Variants in NME7 observed in about 807,000 individuals in gnomAD.
NME7 encodes the protein NME/NM23 family member 7.
Under a neutral mutation model 49.1 loss-of-function variants are expected in NME7, and 41 were observed. That is an observed-to-expected ratio of 0.83 (90% CI 0.65 to 1.08). NME7 has a LOEUF of 1.08. Ranked by LOEUF, NME7 falls within the 50% of genes least tolerant of loss-of-function variation. NME7 has a pLI of 0.00. For missense variants in NME7, 423 were observed against 463.4 expected (o/e 0.91, Z 0.80); for synonymous variants, 139 against 150.6 (o/e 0.92, Z 0.56).
chr1:169,304,264 T>C (rs931573048), intron 4 of NME7, among the ~76,000 whole-genome samples: 1 of 152,200 alleles, frequency 6.6e-6, no homozygotes, highest in African/African-American at 2.4e-5. Flanking sequence ...CTCCTAACAC[T>C]GTGTAGTTTT....
At chr1:169,287,478 G>A (rs1483850762) in intron 6 of NME7, 70 bp from the exon 7 acceptor site, 2 of 1,085,234 alleles carry the variant, frequency 1.8e-6, no homozygotes, top group Non-Finnish European at 2.6e-6. Flanking sequence ...ATTTCTGTGG[G>A]GGAGGAGAAT....
chr1:169,354,498 T>C (rs1653307416), intron 1 of NME7, among the ~76,000 whole-genome samples: 1 of 151,774 alleles, frequency 6.6e-6, no homozygotes, highest in Non-Finnish European at 1.5e-5. Context: ...AATTTAATTA[T>C]ACATTTTAAA....
intron 1 of NME7, among the ~76,000 whole-genome samples, chr1:169,365,669 A>C (rs1189282449): frequency 2.0e-5 from 3 of 152,218 alleles, no homozygotes; most frequent in Non-Finnish European, 4.4e-5. Context: ...GAAATAGGGA[A>C]TCTAGAGTTT....
intron 11 of NME7, among the ~76,000 whole-genome samples, chr1:169,154,961 T>G (rs1261404782): frequency 1.3e-5 from 2 of 151,934 alleles, no homozygotes; most frequent in Non-Finnish European, 2.9e-5. Context: ...TTTTTAAAAT[T>G]TGTATAATTT....
intron 11 of NME7, among the ~76,000 whole-genome samples, chr1:169,145,844 G>A (rs1658731081): frequency 6.6e-6 from 1 of 152,198 alleles, no homozygotes; most frequent in Admixed American, 6.5e-5. Context: ...AGTGCACAGT[G>A]CATACCACAA....
intron 9 of NME7, among the ~76,000 whole-genome samples, chr1:169,232,273 GGAGA>G (rs1647653888): frequency 6.6e-6 from 1 of 151,954 alleles, no homozygotes; most frequent in Non-Finnish European, 1.5e-5. Context: ...AAATAAGCAT[GGAGA>G]GAAAGAAAAA....
At chr1:169,217,883 A>G (rs1040888587) in intron 10 of NME7, among the ~76,000 whole-genome samples, 1 of 152,136 alleles carries the variant, frequency 6.6e-6, no homozygotes, top group African/African-American at 2.4e-5. Context: ...GCTTTTCAAT[A>G]TGATGCCACT....
At chr1:169,135,837 T>G (rs1159924476) in intron 11 of NME7, among the ~76,000 whole-genome samples, 2 of 152,098 alleles carry the variant, frequency 1.3e-5, no homozygotes, top group Non-Finnish European at 2.9e-5. Context: ...AGTATCTTAC[T>G]AAGGTGTTGA....
intron 10 of NME7, among the ~76,000 whole-genome samples, chr1:169,207,538 C>T (rs1396297014): frequency 6.6e-6 from 1 of 151,996 alleles, no homozygotes; most frequent in East Asian, 1.9e-4. Context: ...TTCACTATCA[C>T]AGAAGCAGAA....
intron 10 of NME7, among the ~76,000 whole-genome samples, chr1:169,212,174 CT>C (rs1326500468): frequency 6.6e-6 from 1 of 151,978 alleles, no homozygotes. Flanking sequence ...AAATTCTTTT[CT>C]TTAGCCAGAA....
intron 10 of NME7, among the ~76,000 whole-genome samples, chr1:169,217,233 C>T (rs1660995857): frequency 6.6e-6 from 1 of 152,160 alleles, no homozygotes; most frequent in Non-Finnish European, 1.5e-5. Flanking sequence ...GAGAAGACTT[C>T]TATATTCCTA....
At chr1:169,231,438 C>T (rs929598741) in intron 9 of NME7, among the ~76,000 whole-genome samples, 2 of 152,110 alleles carry the variant, frequency 1.3e-5, no homozygotes, top group Admixed American at 6.5e-5. Context: ...CCAACGTTCT[C>T]TGAGTTGAAA....
At chr1:169,245,352 G>T (rs181074799) in intron 7 of NME7, among the ~76,000 whole-genome samples, 16 of 152,218 alleles carry the variant, frequency 1.1e-4, no homozygotes, top group Admixed American at 2.6e-4. Flanking sequence ...GGACACTTTG[G>T]TGAGCAAAAC....
At chr1:169,152,383 C>T (rs1658937858) in intron 11 of NME7, among the ~76,000 whole-genome samples, 1 of 152,160 alleles carries the variant, frequency 6.6e-6, no homozygotes, top group Non-Finnish European at 1.5e-5. Flanking sequence ...AGAGTTTAAC[C>T]TGCTTGCTTG....
chr1:169,353,145 TACTACAGAGCTATAGTAACC>T, intron 1 of NME7, among the ~76,000 whole-genome samples: 1 of 152,202 alleles, frequency 6.6e-6, no homozygotes, highest in South Asian at 2.1e-4. Context: ...CTTCAAATTA[TACTACAGAGCTATAGTAACC>T]AAAACAGCGT....
At chr1:169,304,162 A>G (rs3766092) in intron 4 of NME7, among the ~76,000 whole-genome samples, 6,583 of 152,318 alleles carry the variant, frequency 0.043, 204 homozygotes, top group East Asian at 0.12. Flanking sequence ...TATTACCACT[A>G]AAGAATATCT....
chr1:169,336,612 T>G (rs926091657), intron 1 of NME7, among the ~76,000 whole-genome samples: 7 of 151,950 alleles, frequency 4.6e-5, no homozygotes, highest in African/African-American at 1.7e-4. Context: ...CACAGGGTGC[T>G]GATTGGTGTG....
At chr1:169,135,918 A>G (rs866059682) in intron 11 of NME7, among the ~76,000 whole-genome samples, 1 of 152,126 alleles carries the variant, frequency 6.6e-6, no homozygotes. Context: ...GAGAATGCCC[A>G]TATTGTAGTA....
intron 1 of NME7, 149 bp downstream of exon 1, chr1:169,367,559 T>G: frequency 1.2e-6 from 1 of 848,164 alleles, no homozygotes; most frequent in Non-Finnish European, 2.1e-6. Flanking sequence ...GCGAGGAGAC[T>G]GCAGGAACAG....
Sources: gnomAD v4.1 joint callset for allele counts (sites outside exome capture counted in the v4.1 genomes callset) on GRCh38, gnomAD v4.1.1 for gene constraint, MANE v1.5 for transcripts, NCBI Gene and HGNC (gene_info 2026-07-23, HGNC 2026-07-21) for gene names.